RNF121: variants seen among roughly 807,000 people sequenced by gnomAD.
RNF121 encodes the protein E3 ubiquitin ligase RNF121.
In RNF121, 21 loss-of-function variants were observed where a neutral mutation model predicts 46.5. The observed-to-expected ratio is 0.45, with a 90% CI of 0.32 to 0.65. The LOEUF (loss-of-function observed/expected upper bound fraction) is 0.65, where lower values mean the gene tolerates loss of function less well. RNF121 is among the 30% of genes least tolerant of loss of function. The pLI, the probability that RNF121 is intolerant of heterozygous loss-of-function variation, is 0.04. For synonymous variants in RNF121, 139 were observed against 144.7 expected, an observed-to-expected ratio of 0.96 and a Z score of 0.28; for missense variants, 346 against 416.0, an observed-to-expected ratio of 0.83 and a Z score of 1.46.
chr11:71,930,245 G>T (rs1590760193), intron 1 of RNF121, among the ~76,000 whole-genome samples: 1 of 152,210 alleles, frequency 6.6e-6, no homozygotes, highest in Admixed American at 6.5e-5. Context: ...AAGGGGATTG[G>T]TTGTCAGAGA....
intron 3 of RNF121, among the ~76,000 whole-genome samples, chr11:71,979,345 A>C (rs1954597081): frequency 6.6e-6 from 1 of 152,128 alleles, no homozygotes; most frequent in Non-Finnish European, 1.5e-5. Context: ...CTACTCCACC[A>C]TCTGGTTTCA....
chr11:71,962,211 G>A (rs1025759306), intron 3 of RNF121: 4 of 282,504 alleles, frequency 1.4e-5, no homozygotes, highest in African/African-American at 4.5e-5. Flanking sequence ...CTTGTGATCC[G>A]CCTCGGCCTC....
intron 2 of RNF121, among the ~76,000 whole-genome samples, chr11:71,959,364 CT>C (rs1379239739): frequency 6.6e-6 from 1 of 152,176 alleles, no homozygotes; most frequent in African/African-American, 2.4e-5. Flanking sequence ...GGGTTCTACA[CT>C]TTTTGTTATA....
chr11:71,996,056 C>T (rs79664808), intron 8 of RNF121, 139 bp from the exon 9 acceptor site: 34,752 of 1,020,258 alleles, frequency 0.034, 649 homozygotes, highest in East Asian at 0.066. Context: ...TGAGGCTGGG[C>T]CCTTCCAGAA....
chr11:71,945,904 G>C (rs2134158933), intron 1 of RNF121, among the ~76,000 whole-genome samples: 1 of 152,160 alleles, frequency 6.6e-6, no homozygotes. Context: ...CTTGAACCCG[G>C]GAGTTCAAGA....
In RNF121 at chr11:71,995,099, C is replaced by G; in HGVS notation, c.761+247C>G. On this transcript the variant is annotated intron_variant, in intron 7 of 8. Transcript: ENST00000361756. ...AGCTAGTGAGGCTGTGCTAGCAGACCTGAGATCTGACCAGTCACAGGGGAA... is the reference window on the plus strand; with the variant it reads ...AGCTAGTGAGGCTGTGCTAGCAGACGTGAGATCTGACCAGTCACAGGGGAA... The G allele has an allele frequency of 7.0e-6, 4 of 574,278 alleles. No individual in the cohort carries two copies. The South Asian group carries it at 8.7e-5, about 13-fold the overall frequency. The allele number at this position is 574,278 out of a possible 1,614,324, so 35.6% of individuals were successfully genotyped here. A position where few individuals can be genotyped will look rare whatever the true frequency, so the allele number is the denominator to read the frequency against.
At chr11:71,972,108 G>T (rs1001994914) in intron 3 of RNF121, among the ~76,000 whole-genome samples, 1 of 152,168 alleles carries the variant, frequency 6.6e-6, no homozygotes, top group Admixed American at 6.5e-5. Flanking sequence ...ATAGTACTGA[G>T]TGGAAAAACT....
At chr11:71,995,041 A>G (rs567660244) in intron 7 of RNF121, among the ~76,000 whole-genome samples, 189 bp downstream of exon 7, 1 of 152,296 alleles carries the variant, frequency 6.6e-6, no homozygotes, top group Non-Finnish European at 1.5e-5. Context: ...AGTGGTTACA[A>G]CCTGGCTGGG....
chr11:71,957,234 T>C lies in RNF121; in HGVS notation c.71T>C (p.Met24Thr). 1.2e-6 allele frequency: 2 copies of C among 1,603,120 alleles called. No homozygotes were observed. The highest frequency in any genetic ancestry group is 1.1e-5 in the South Asian group (1 of 90,876). The change falls in exon 2 of 9, where the codon ATG becomes ACG. Residue 24 changes from methionine to threonine, a missense_variant. This residue lies in a region of RNF121 where 60 missense variants were observed against 32.2 expected (regional missense o/e 1.86). Coordinates refer to ENST00000361756, the MANE Select transcript of RNF121 (RefSeq NM_018320.5). ...GGTGGTGTCTTTCTACAGGTTGATA[T>C]GTCAGATCTCTCTCCAGAAGAGCAA... ...AGERELDEVD[M>T]SDLSPEEQWR...
chr11:71,996,697 G>A lies in RNF121; in HGVS notation c.*382G>A, dbSNP rs1454090990. 5.0e-6 allele frequency: 1 copy of A among 198,102 alleles called. No homozygotes were observed. The highest frequency in any genetic ancestry group is 1.1e-5 in the Non-Finnish European group (1 of 94,048). 12.3% of individuals were successfully genotyped at this position (198,102 alleles called of 1,614,324 possible). A position where few individuals can be genotyped will look rare whatever the true frequency, so the allele number is the denominator to read the frequency against. ...AACACTGCTGGGCTCCCAGGTAGCT[G>A]AAGGCCTCAGCCCACCCACTCCCTT... On this transcript the variant is annotated 3_prime_UTR_variant, in exon 9 of 9. Coordinates refer to ENST00000361756, the MANE Select transcript of RNF121 (RefSeq NM_018320.5).
chr11:71,944,463 C>T (rs552760328), intron 1 of RNF121, among the ~76,000 whole-genome samples: 14 of 152,142 alleles, frequency 9.2e-5, no homozygotes, highest in Non-Finnish European at 1.6e-4. Context: ...AGTAGGGCTT[C>T]CAAATTTATC....
chr11:71,968,179 C>T (rs1301175803), intron 3 of RNF121, among the ~76,000 whole-genome samples: 2 of 152,116 alleles, frequency 1.3e-5, no homozygotes, highest in Non-Finnish European at 2.9e-5. Flanking sequence ...CCTGCCTCAG[C>T]CTCCCAAGTA....
rs1289623905 is a variant in RNF121, at chr11:71,995,283, G to A, written c.762-167G>A. On this transcript the variant is annotated intron_variant, in intron 7 of 8. Transcript: ENST00000361756. ...CCCCATAACAGTCTTGTGAGATAGG[G>A]ATCATTATCCTTACTTCACATGTGA... The A allele has an allele frequency of 1.9e-5, 12 of 629,158 alleles. No individual in the cohort carries two copies. In the East Asian group the frequency reaches 3.3e-4, roughly 17 times the overall value. The allele number at this position is 629,158 out of a possible 1,614,324, so 39.0% of individuals were successfully genotyped here.
At chr11:71,966,221 G>A (rs1438164993) in intron 3 of RNF121, among the ~76,000 whole-genome samples, 2 of 152,144 alleles carry the variant, frequency 1.3e-5, no homozygotes, top group African/African-American at 4.8e-5. Flanking sequence ...GTTTCTCCAC[G>A]TTGGTCAGGC....
chr11:71,994,887 C>T (rs1029560719), intron 7 of RNF121, 35 bp downstream of exon 7: 53 of 1,613,550 alleles, frequency 3.3e-5, no homozygotes, highest in Non-Finnish European at 4.5e-5. Context: ...CACATCTCTC[C>T]TGCAATCTGC....
At position 71,937,158 on chromosome 11, in the gene RNF121, A is replaced by G. The variant is rs1026170626; in HGVS notation, c.63+8034A>G. On this transcript the variant is annotated intron_variant, in intron 1 of 8. Coordinates refer to ENST00000361756, the MANE Select transcript of RNF121 (RefSeq NM_018320.5). The stretch of plus-strand genomic sequence containing the variant: ...TCTGCTCCCGTAGCGCCCTGTACAG[A>G]TTTCCGTCAGCACTTACCATGTCGT... Among the ~76,000 whole-genome samples, 4 of 152,128 alleles carry G rather than the reference A, an allele frequency of 2.6e-5. No homozygotes were observed. In the East Asian group the frequency reaches 7.7e-4, roughly 29 times the overall value.
chr11:71,990,613 G>A lies in RNF121; in HGVS notation c.523G>A (p.Ala175Thr), dbSNP rs1383441882. Reference protein sequence around the residue: ...NLLFKIKPEDAMDFGISLLFY... With the variant: ...NLLFKIKPEDTMDFGISLLFY... ...CCCTTGCAGGATCAAACCAGAAGAT[G>A]CCATGGACTTTGGCATCTCCCTTCT... Residue 175 changes from alanine (A) to threonine (T), a missense_variant, in exon 6 of 9, where the codon GCC becomes ACC. Coordinates refer to ENST00000361756, the MANE Select transcript of RNF121 (RefSeq NM_018320.5). 6.2e-7 allele frequency: 1 copy of A among 1,614,084 alleles called. No individual in the cohort carries two copies. Among genetic ancestry groups the A allele is most frequent in the Admixed American group, 1.7e-5 (1 of 60,014 alleles).
intron 3 of RNF121, among the ~76,000 whole-genome samples, chr11:71,975,519 T>C (rs1261266358): frequency 6.6e-6 from 1 of 152,204 alleles, no homozygotes; most frequent in Non-Finnish European, 1.5e-5. Context: ...GTTCTCCACT[T>C]TGAGTGGAGT....
chr11:71,949,380 G>T (rs1441862058), intron 1 of RNF121, among the ~76,000 whole-genome samples: 2 of 152,074 alleles, frequency 1.3e-5, no homozygotes, highest in African/African-American at 4.8e-5. Flanking sequence ...ATTGCACTAC[G>T]GCACTCCAGC....
Sources: gnomAD v4.1 joint callset for allele counts (sites outside exome capture counted in the v4.1 genomes callset) on GRCh38, gnomAD v4.1.1 for gene constraint, gnomAD v4.1.1 regional missense constraint, MANE v1.5 for transcripts, NCBI Gene and HGNC (gene_info 2026-07-23, HGNC 2026-07-21) for gene names.